NIPSNAP1: variants seen among roughly 807,000 people sequenced by gnomAD.
NIPSNAP1 encodes nipsnap homolog 1, also known as protein NipSnap homolog 1.
In NIPSNAP1, 25 loss-of-function variants were observed where a neutral mutation model predicts 49.2. The ratio of observed to expected loss-of-function variants is 0.51; its 90% CI spans 0.37 to 0.71. The LOEUF is 0.71. NIPSNAP1 is among the 30% of genes least tolerant of loss of function. NIPSNAP1 has a pLI of 0.00. For missense variants in NIPSNAP1, 294 were observed against 361.0 expected (o/e 0.81, Z 1.50); for synonymous variants, 143 against 140.7 (o/e 1.02, Z -0.12).
chr22:29,563,098 TA>T (rs695281), intron 4 of NIPSNAP1, among the ~76,000 whole-genome samples: 51,077 of 131,218 alleles, frequency 0.39, 9,862 homozygotes, highest in East Asian at 0.7. Flanking sequence ...GACTCCATCT[TA>T]AAAAAAAAAA....
chr22:29,580,507 G>A (rs1328915293), intron 1 of NIPSNAP1, among the ~76,000 whole-genome samples: 4 of 152,164 alleles, frequency 2.6e-5, no homozygotes, highest in Non-Finnish European at 5.9e-5. Context: ...TCCCTCTCAG[G>A]TCCGTTTCCC....
intron 4 of NIPSNAP1, among the ~76,000 whole-genome samples, chr22:29,562,752 C>T (rs140087266): frequency 3.3e-5 from 5 of 152,048 alleles, no homozygotes; most frequent in African/African-American, 9.6e-5. Flanking sequence ...TGTGGGGCCT[C>T]GGGCAGGAGG....
chr22:29,576,022 T>G (rs1330245853), intron 1 of NIPSNAP1, among the ~76,000 whole-genome samples: 1 of 148,936 alleles, frequency 6.7e-6, no homozygotes, highest in Non-Finnish European at 1.5e-5. Context: ...CCTTTTTTTT[T>G]TTTTGTATTT....
Position 29,577,673 on chromosome 22 carries a change from C to T in NIPSNAP1, c.98+3312G>A, listed in dbSNP as rs538660970. Among the ~76,000 whole-genome samples the T allele has an allele frequency of 1.9e-4, 29 of 151,104 alleles. No homozygotes were observed. The South Asian group carries it at 3.1e-3, about 16-fold the overall frequency. On this transcript the variant is annotated intron_variant, in intron 1 of 9. Coordinates refer to ENST00000216121, the MANE Select transcript of NIPSNAP1 (RefSeq NM_003634.4). Reference sequence around the variant, plus strand: ...AGGTGATCTGCCCGCCTCGGCCTCCCAAAGTGCTGGGATTACAGGTGTGAG... The same window carrying T: ...AGGTGATCTGCCCGCCTCGGCCTCCTAAAGTGCTGGGATTACAGGTGTGAG...
At chr22:29,564,558 C>T (rs1309088393) in intron 4 of NIPSNAP1, among the ~76,000 whole-genome samples, 3 of 152,074 alleles carry the variant, frequency 2.0e-5, no homozygotes, top group Non-Finnish European at 2.9e-5. Flanking sequence ...GGATTACAGG[C>T]GCATGCCACC....
chr22:29,580,099 T>C (rs868689434), intron 1 of NIPSNAP1: 3 of 1,304,120 alleles, frequency 2.3e-6, no homozygotes, highest in South Asian at 2.5e-5. Context: ...GTGGCCTCAC[T>C]TCTTTGGTAA....
chr22:29,569,068 T>G, intron 4 of NIPSNAP1, 125 bp downstream of exon 4: 37 of 748,444 alleles, frequency 4.9e-5, no homozygotes, highest in Non-Finnish European at 7.8e-5. Flanking sequence ...AGTGAGGTGA[T>G]GAGGTTTTAG....
At chr22:29,564,607 T>G (rs2064357338) in intron 4 of NIPSNAP1, among the ~76,000 whole-genome samples, 1 of 151,756 alleles carries the variant, frequency 6.6e-6, no homozygotes, top group African/African-American at 2.4e-5. Flanking sequence ...AGAGACAGGG[T>G]TTCACCTTGT....
intron 4 of NIPSNAP1, among the ~76,000 whole-genome samples, chr22:29,567,795 G>A (rs2064377888): frequency 6.6e-6 from 1 of 151,774 alleles, no homozygotes; most frequent in African/African-American, 2.4e-5. Context: ...GGTTAAGGCT[G>A]TGTGAGCTGT....
chr22:29,578,890 G>A (rs465938), intron 1 of NIPSNAP1, among the ~76,000 whole-genome samples: 81,184 of 150,510 alleles, frequency 0.54, 22,884 homozygotes, highest in South Asian at 0.66. Flanking sequence ...AATCCATTCT[G>A]TCCCTTCCCC....
Position 29,557,438 on chromosome 22 carries a change from T to C in NIPSNAP1, c.790+1432A>G, listed in dbSNP as rs559517624. ...TGTCTTGTTTTTTATTATTTTTATTTTTTATTTTTGAGATAGGGTCTCACT... is the reference window on the plus strand; with the variant it reads ...TGTCTTGTTTTTTATTATTTTTATTCTTTATTTTTGAGATAGGGTCTCACT... On this transcript the variant is annotated intron_variant, in intron 9 of 9. Transcript: ENST00000216121. 2.1e-3 allele frequency among the ~76,000 whole-genome samples: 320 copies of C among 151,980 alleles called. 1 individual carries two copies. The highest frequency in any genetic ancestry group is 6.8e-3 in the Middle Eastern group (2 of 294).
chr22:29,569,352 CAAACTCAGTTCA>C, intron 3 of NIPSNAP1, 65 bp from the exon 4 acceptor site: 1 of 1,243,662 alleles, frequency 8.0e-7, no homozygotes, highest in South Asian at 1.2e-5. Flanking sequence ...GATAAGGGTT[CAAACTCAGTTCA>C]AACAGACCCT....
At chr22:29,568,716 G>T (rs567463050) in intron 4 of NIPSNAP1, among the ~76,000 whole-genome samples, 1 of 152,008 alleles carries the variant, frequency 6.6e-6, no homozygotes, top group African/African-American at 2.4e-5. Flanking sequence ...TGCTTAAACT[G>T]GGGAGGCGGA....
At position 29,571,380 on chromosome 22, in the gene NIPSNAP1, G is replaced by A. The variant is rs141505746; in HGVS notation, c.99-848C>T. Among the ~76,000 whole-genome samples, 33 of 152,320 alleles carry A rather than the reference G, an allele frequency of 2.2e-4. 1 individual carries two copies. The highest frequency in any genetic ancestry group is 7.2e-4 in the African/African-American group (30 of 41,588). On this transcript the variant is annotated intron_variant, in intron 1 of 9. Transcript: ENST00000216121. ...GCATTCACTCATCCAGCCAACACCT[G>A]CTCTGCCCATCTCCATAGGATACTG...
intron 1 of NIPSNAP1, chr22:29,580,081 G>A: frequency 1.5e-6 from 2 of 1,303,810 alleles, no homozygotes; most frequent in Non-Finnish European, 2.0e-6. Context: ...TTGGGGGAGG[G>A]GGAACAGGTG....
At chr22:29,571,037 G>A (rs1299090891) in intron 1 of NIPSNAP1, among the ~76,000 whole-genome samples, 2 of 151,998 alleles carry the variant, frequency 1.3e-5, no homozygotes, top group African/African-American at 4.8e-5. Context: ...TACAAGTTCT[G>A]TCCCCTCTAA....
At chr22:29,573,389 G>A (rs4470427) in intron 1 of NIPSNAP1, among the ~76,000 whole-genome samples, 36,777 of 152,080 alleles carry the variant, frequency 0.24, 4,564 homozygotes, top group Non-Finnish European at 0.29. Context: ...CGGGCATGGT[G>A]GCTCACGCCT....
In NIPSNAP1 at chr22:29,558,563, A is replaced by G. The variant is rs553052426; in HGVS notation, c.790+307T>C. On this transcript the variant is annotated intron_variant, in intron 9 of 9. Transcript: ENST00000216121. ...TGACAGAAGCACTATCACCATCACTATCTTACAGACGAGGGAACAGCCTCA... is the reference window on the plus strand; with the variant it reads ...TGACAGAAGCACTATCACCATCACTGTCTTACAGACGAGGGAACAGCCTCA... 4.6e-5 allele frequency among the ~76,000 whole-genome samples: 7 copies of G among 152,284 alleles called. No homozygotes were observed. In the South Asian group the frequency reaches 1.2e-3, roughly 27 times the overall value.
At chr22:29,567,320 A>G (rs1157300626) in intron 4 of NIPSNAP1, among the ~76,000 whole-genome samples, 10 of 152,018 alleles carry the variant, frequency 6.6e-5, no homozygotes, top group Non-Finnish European at 1.3e-4. Context: ...TGCCCCTGGG[A>G]CTGTAAGACA....
Sources: gnomAD v4.1 joint callset for allele counts (sites outside exome capture counted in the v4.1 genomes callset) on GRCh38, gnomAD v4.1.1 for gene constraint, MANE v1.5 for transcripts, NCBI Gene and HGNC (gene_info 2026-07-23, HGNC 2026-07-21) for gene names.